KIF6: variants seen among roughly 807,000 people sequenced by gnomAD.
The protein encoded by KIF6 is kinesin-like protein KIF6.
KIF6 carries 106 observed loss-of-function variants against 112.7 expected under a neutral mutation model. That is an observed-to-expected ratio of 0.94 (90% confidence interval 0.80 to 1.11). The LOEUF (loss-of-function observed/expected upper bound fraction) is 1.11, where lower values mean the gene tolerates loss of function less well. Among genes scored for constraint, KIF6 ranks in the 50% least tolerant of loss-of-function variants. KIF6 has a pLI of 0.00. For synonymous variants in KIF6, 339 were observed against 339.9 expected (o/e 1.00, Z 0.03); for missense variants, 929 against 964.0 (o/e 0.96, Z 0.48).
intron 10 of KIF6, among the ~76,000 whole-genome samples, chr6:39,574,361 T>C (rs944198613): frequency 6.6e-6 from 1 of 152,236 alleles, no homozygotes; most frequent in African/African-American, 2.4e-5. Flanking sequence ...AGAAAGGATC[T>C]AGGGTGCTAT....
Position 39,653,006 on chromosome 6 carries a change from C to T in KIF6, c.252-13249G>A, listed in dbSNP as rs1001175777. On this transcript the variant is annotated intron_variant, in intron 3 of 22. Transcript: ENST00000287152. The stretch of plus-strand genomic sequence containing the variant: ...TTAAAAGTCTTAGAGATTAAGTATA[C>T]TGGCTTCATGTTTTTAAAATGCGAG... Among the ~76,000 whole-genome samples the T allele has an allele frequency of 5.5e-4, 84 of 152,324 alleles. 2 individuals are homozygous for T. The highest frequency in any genetic ancestry group is 4.6e-3 in the Admixed American group (71 of 15,298).
At chr6:39,520,107 C>T (rs1206848691) in intron 13 of KIF6, among the ~76,000 whole-genome samples, 2 of 152,066 alleles carry the variant, frequency 1.3e-5, no homozygotes, top group African/African-American at 2.4e-5. Context: ...TATAGACTTC[C>T]CTATTCCTCT....
At chr6:39,508,112 T>A (rs1776548076) in intron 13 of KIF6, among the ~76,000 whole-genome samples, 1 of 151,506 alleles carries the variant, frequency 6.6e-6, no homozygotes, top group Non-Finnish European at 1.5e-5. Flanking sequence ...ACCCTCATAG[T>A]TCTAATAAAA....
intron 22 of KIF6, among the ~76,000 whole-genome samples, chr6:39,337,114 TTC>T (rs1469583330): frequency 9.5e-6 from 1 of 104,988 alleles, no homozygotes; most frequent in Non-Finnish European, 1.7e-5. Context: ...TTTCTTCTCT[TTC>T]TTTCTTTCTT....
At chr6:39,578,788 A>G (rs763026700) in intron 9 of KIF6, among the ~76,000 whole-genome samples, 1 of 152,086 alleles carries the variant, frequency 6.6e-6, no homozygotes, top group African/African-American at 2.4e-5. Flanking sequence ...GTATGCATGT[A>G]CTCATAAATA....
At chr6:39,608,994 G>C (rs186524298) in intron 6 of KIF6, among the ~76,000 whole-genome samples, 2 of 152,250 alleles carry the variant, frequency 1.3e-5, no homozygotes, top group African/African-American at 2.4e-5. Context: ...TAATTCAATT[G>C]TTTCTATATC....
rs1339546731 is a variant in KIF6 at position 39,336,524 on chromosome 6, C to T, written c.*8G>A. 1.2e-6 allele frequency: 2 copies of T among 1,613,938 alleles called. No homozygotes were observed. Among genetic ancestry groups the T allele is most frequent in the African/African-American group, 2.7e-5 (2 of 75,040 alleles). ...GGCATAATTCATGGATGGATATTTC[C>T]TGGAAATTCAATTGCTTCCCAAACC... On this transcript the variant is annotated 3_prime_UTR_variant, in exon 23 of 23. Coordinates refer to ENST00000287152, the MANE Select transcript of KIF6 (RefSeq NM_145027.6).
At chr6:39,392,987 A>G (rs1443474587) in intron 15 of KIF6, among the ~76,000 whole-genome samples, 4 of 152,252 alleles carry the variant, frequency 2.6e-5, no homozygotes, top group Non-Finnish European at 4.4e-5. Flanking sequence ...CACATATCAT[A>G]GTAAAATTAC....
chr6:39,422,791 C>A (rs1770468403), intron 14 of KIF6, among the ~76,000 whole-genome samples: 1 of 152,206 alleles, frequency 6.6e-6, no homozygotes, highest in African/African-American at 2.4e-5. Flanking sequence ...TTTCCTCCTG[C>A]CCCTCCGTCT....
chr6:39,385,738 A>T, intron 15 of KIF6, 66 bp from the exon 16 acceptor site: 1 of 950,938 alleles, frequency 1.1e-6, no homozygotes, highest in Non-Finnish European at 1.7e-6. Flanking sequence ...CTGCCTCAGA[A>T]GCATGTGGCA....
chr6:39,583,074 A>G (rs1053513259), intron 9 of KIF6: 42 of 246,992 alleles, frequency 1.7e-4, no homozygotes, highest in Non-Finnish European at 3.5e-4. Flanking sequence ...ACACATAATA[A>G]TGTTTACCTT....
intron 13 of KIF6, among the ~76,000 whole-genome samples, chr6:39,525,238 G>A (rs1363737060): frequency 6.6e-6 from 1 of 152,002 alleles, no homozygotes; most frequent in Non-Finnish European, 1.5e-5. Context: ...CTGCCTCCAG[G>A]GCTCAAGTGA....
chr6:39,567,145 T>A lies in KIF6; in HGVS notation c.1181+10911A>T, dbSNP rs957816008. On this transcript the variant is annotated intron_variant, in intron 10 of 22. Coordinates refer to ENST00000287152, the MANE Select transcript of KIF6 (RefSeq NM_145027.6). The stretch of plus-strand genomic sequence containing the variant: ...AATGAAGTAGATTCCTCAGCAATAA[T>A]AAAAATTGTATCAAGGAATCATAGT... Among the ~76,000 whole-genome samples the A allele has an allele frequency of 6.6e-5, 10 of 152,258 alleles. No individual in the cohort carries two copies. The East Asian group carries it at 1.9e-3, about 29-fold the overall frequency.
chr6:39,614,823 C>G (rs556733090), intron 5 of KIF6, among the ~76,000 whole-genome samples: 4 of 152,162 alleles, frequency 2.6e-5, no homozygotes, highest in African/African-American at 4.8e-5. Flanking sequence ...TTAAAAACTC[C>G]CTTTATTCCT....
At chr6:39,496,983 C>T (rs1775823422) in intron 13 of KIF6, among the ~76,000 whole-genome samples, 1 of 152,260 alleles carries the variant, frequency 6.6e-6, no homozygotes, top group Admixed American at 6.5e-5. Context: ...AGATTCCACA[C>T]TGATGCTTTA....
chr6:39,519,110 C>T (rs1777231333), intron 13 of KIF6, among the ~76,000 whole-genome samples: 2 of 152,092 alleles, frequency 1.3e-5, no homozygotes, highest in Non-Finnish European at 2.9e-5. Context: ...AGCCTGATTG[C>T]ATGGTTGGTC....
chr6:39,466,537 G>A (rs967741721), intron 13 of KIF6, among the ~76,000 whole-genome samples: 2 of 152,188 alleles, frequency 1.3e-5, no homozygotes, highest in Non-Finnish European at 2.9e-5. Context: ...ATCTCAGTAA[G>A]AAGAGTAAGA....
intron 13 of KIF6, among the ~76,000 whole-genome samples, chr6:39,508,752 C>T (rs886438591): frequency 2.6e-5 from 4 of 152,118 alleles, no homozygotes; most frequent in Non-Finnish European, 4.4e-5. Context: ...TGGAGCCCAC[C>T]GCAGCTCAGC....
intron 16 of KIF6, among the ~76,000 whole-genome samples, chr6:39,383,023 C>T (rs1211421208): frequency 6.8e-6 from 1 of 146,404 alleles, no homozygotes; most frequent in Admixed American, 6.8e-5. Context: ...TTCTTTTTTT[C>T]TTATTGATTC....
Sources: gnomAD v4.1 joint callset for allele counts (sites outside exome capture counted in the v4.1 genomes callset) on GRCh38, gnomAD v4.1.1 for gene constraint, MANE v1.5 for transcripts, NCBI Gene and HGNC (gene_info 2026-07-23, HGNC 2026-07-21) for gene names.